Variants in XYLT1 observed in about 807,000 individuals in gnomAD.
The protein encoded by XYLT1 is beta-D-xylosyltransferase 1.
Under a neutral mutation model 91.3 loss-of-function variants are expected in XYLT1, and 36 were observed. The ratio of observed to expected loss-of-function variants is 0.39; its 90% CI spans 0.30 to 0.52. XYLT1 has a LOEUF of 0.52. XYLT1 is among the 20% of genes least tolerant of loss of function. The probability of loss-of-function intolerance (pLI) is 0.68; values close to 1 mark genes in which losing one functional copy is unlikely to be tolerated. For synonymous variants in XYLT1, 588 were observed against 532.0 expected (o/e 1.11, Z -1.45); for missense variants, 1,242 against 1,284.5 (o/e 0.97, Z 0.51).
intron 2 of XYLT1, among the ~76,000 whole-genome samples, chr16:17,284,788 T>C (rs563602878): frequency 6.6e-6 from 1 of 152,138 alleles, no homozygotes; most frequent in African/African-American, 2.4e-5. Context: ...TCTCTAAAAA[T>C]TAAAAATTTA....
In XYLT1 at chr16:17,259,293, C is replaced by A; in HGVS notation, c.608G>T (p.Gly203Val). ...TTTCCCAGGGAATGTATGTCCTTTT[C>A]CTTTCTCCTGCTGTTCCAGCTTCCT... ...LKRKLEQQEK[G>V]KGHTFPGKGP... Residue 203 changes from glycine to valine, a missense_variant, in exon 3 of 12, where the codon GGA becomes GTA. By Grantham distance (109) the Gly-to-Val change is moderately radical. Transcript: ENST00000261381. 5.0e-6 allele frequency: 8 copies of A among 1,614,118 alleles called. No homozygotes were observed. The highest frequency in any genetic ancestry group is 6.8e-6 in the Non-Finnish European group (8 of 1,180,036).
chr16:17,325,571 A>G (rs1428548780), intron 2 of XYLT1, among the ~76,000 whole-genome samples: 5 of 152,214 alleles, frequency 3.3e-5, no homozygotes, highest in Non-Finnish European at 7.3e-5. Context: ...AATTATGTAG[A>G]AAATACACAT....
rs2029892812 is a variant in XYLT1 at position 17,117,808 on chromosome 16, T to C, written c.2395A>G (p.Ile799Val). ...TGTGTGAATTCGGCAGTGGACTCAA[T>C]GAGGATGTCGTAGGTGGCTGCGATG... is the stretch of plus-strand genomic sequence containing the variant. ...NVIAATYDIL[I>V]ESTAEFTHYK... Residue 799 changes from isoleucine (I) to valine (V), a missense_variant, in exon 11 of 12, where the codon ATT (isoleucine) becomes GTT (valine). Ile to Val is a conservative substitution (Grantham distance 29). Around this residue, in one of 3 missense-constraint regions of XYLT1, gnomAD observed 511 missense variants for 497.0 expected, o/e 1.03. Coordinates refer to ENST00000261381, the MANE Select transcript of XYLT1 (RefSeq NM_022166.4). 1 of 1,614,006 alleles carries C rather than the reference T, an allele frequency of 6.2e-7. No homozygotes were observed.
intron 2 of XYLT1, among the ~76,000 whole-genome samples, chr16:17,301,768 G>C (rs548530067): frequency 6.6e-6 from 1 of 152,166 alleles, no homozygotes; most frequent in Non-Finnish European, 1.5e-5. Flanking sequence ...ATGAAGACTC[G>C]GAGGTTTACA....
chr16:17,382,790 C>T (rs1567402731), intron 1 of XYLT1, among the ~76,000 whole-genome samples: 1 of 151,852 alleles, frequency 6.6e-6, no homozygotes, highest in Non-Finnish European at 1.5e-5. Context: ...ACTCACTATC[C>T]CAGACGTCTC....
intron 1 of XYLT1, among the ~76,000 whole-genome samples, chr16:17,359,259 T>A (rs991007684): frequency 2.6e-5 from 4 of 152,242 alleles, no homozygotes; most frequent in Non-Finnish European, 4.4e-5. Context: ...GAAGCTTTGC[T>A]TTGTCTTAGC....
chr16:17,326,780 G>A (rs899679364), intron 2 of XYLT1, among the ~76,000 whole-genome samples: 1 of 151,206 alleles, frequency 6.6e-6, no homozygotes, highest in Non-Finnish European at 1.5e-5. Context: ...AGCCGAGATC[G>A]CGCCACTGCA....
chr16:17,385,283 C>T (rs993595106), intron 1 of XYLT1, among the ~76,000 whole-genome samples: 42 of 151,016 alleles, frequency 2.8e-4, no homozygotes, highest in African/African-American at 9.4e-4. Context: ...CACACACACA[C>T]ACACACACAC....
intron 8 of XYLT1, 101 bp downstream of exon 8, chr16:17,138,254 A>ACCATGTGATAAGATGACCTG: frequency 7.1e-7 from 1 of 1,415,064 alleles, no homozygotes; most frequent in Non-Finnish European, 9.7e-7. Flanking sequence ...AGGTTTGGGC[A>ACCATGTGATAAGATGACCTG]CCATGTGATA....
intron 2 of XYLT1, among the ~76,000 whole-genome samples, chr16:17,357,218 C>G (rs2035313775): frequency 6.9e-6 from 1 of 144,512 alleles, no homozygotes; most frequent in African/African-American, 2.6e-5. Flanking sequence ...CTCACAAGCA[C>G]TTAGCACGTA....
chr16:17,240,799 G>T (rs113965716), intron 3 of XYLT1, among the ~76,000 whole-genome samples: 3 of 152,176 alleles, frequency 2.0e-5, no homozygotes, highest in African/African-American at 7.2e-5. Context: ...ATTCCATTTA[G>T]GAGAACCTGT....
At chr16:17,301,485 T>C (rs1163638671) in intron 2 of XYLT1, among the ~76,000 whole-genome samples, 1 of 152,192 alleles carries the variant, frequency 6.6e-6, no homozygotes, top group African/African-American at 2.4e-5. Context: ...ATAAAATCTT[T>C]TCCCACAGTA....
At chr16:17,148,778 T>C (rs79029841) in intron 6 of XYLT1, among the ~76,000 whole-genome samples, 2,181 of 152,236 alleles carry the variant, frequency 0.014, 54 homozygotes, top group African/African-American at 0.05. Context: ...ACCAAAAAGA[T>C]AGAAAGAACG....
At chr16:17,324,293 G>GA (rs1449040740) in intron 2 of XYLT1, among the ~76,000 whole-genome samples, 2 of 152,064 alleles carry the variant, frequency 1.3e-5, no homozygotes, top group African/African-American at 4.8e-5. Context: ...GACAGAAAAA[G>GA]AAAAAAATAC....
At chr16:17,136,518 G>A (rs1464376005) in intron 8 of XYLT1, among the ~76,000 whole-genome samples, 3 of 152,236 alleles carry the variant, frequency 2.0e-5, no homozygotes, top group African/African-American at 7.2e-5. Flanking sequence ...AACTCTCTGG[G>A]CCTCAGCATC....
At chr16:17,223,592 A>G (rs1461997396) in intron 3 of XYLT1, among the ~76,000 whole-genome samples, 1 of 152,212 alleles carries the variant, frequency 6.6e-6, no homozygotes, top group African/African-American at 2.4e-5. Context: ...GAGCACGGTG[A>G]CCTTGGATGC....
chr16:17,211,439 C>G (rs562950183), intron 3 of XYLT1, among the ~76,000 whole-genome samples: 2 of 152,312 alleles, frequency 1.3e-5, no homozygotes, highest in South Asian at 4.1e-4. Context: ...GGGACAGCAC[C>G]TCCCTGCTAG....
At chr16:17,406,875 G>A (rs2036040381) in intron 1 of XYLT1, among the ~76,000 whole-genome samples, 1 of 152,220 alleles carries the variant, frequency 6.6e-6, no homozygotes, top group Non-Finnish European at 1.5e-5. Flanking sequence ...GAGGCCCTGG[G>A]TTGGGTGTGG....
chr16:17,326,583 G>A (rs1285295155), intron 2 of XYLT1, among the ~76,000 whole-genome samples: 1 of 151,812 alleles, frequency 6.6e-6, no homozygotes, highest in Non-Finnish European at 1.5e-5. Flanking sequence ...CAGCACTTTC[G>A]GAGGCCGAGG....
Sources: allele counts gnomAD v4.1 joint callset (sites outside exome capture counted in the v4.1 genomes callset), GRCh38; gene constraint gnomAD v4.1.1; regional missense constraint gnomAD v4.1.1; transcripts MANE v1.5; gene names NCBI Gene and HGNC (gene_info 2026-07-23, HGNC 2026-07-21).